The following SLX4IP variants were observed in gnomAD, a reference collection of about 807,000 sequenced individuals.
SLX4IP encodes SLX4 interacting protein.
Under a neutral mutation model 32.9 loss-of-function variants are expected in SLX4IP, and 34 were observed. The observed-to-expected ratio is 1.03, with a 90% confidence interval of 0.79 to 1.38. The LOEUF (loss-of-function observed/expected upper bound fraction) is 1.38. Ranked by LOEUF, SLX4IP falls within the 40% of genes most tolerant of loss-of-function variation. SLX4IP has a pLI of 0.00. For missense variants in SLX4IP, 444 were observed against 479.0 expected (o/e 0.93, Z 0.68); for synonymous variants, 172 against 171.7 (o/e 1.00, Z -0.01).
chr20:10,616,345 C>T (rs1438095865), intron 6 of SLX4IP, among the ~76,000 whole-genome samples: 7 of 149,564 alleles, frequency 4.7e-5, no homozygotes, highest in African/African-American at 1.2e-4. Flanking sequence ...CCCTCTACAA[C>T]GCCCAAGGTA....
chr20:10,520,292 C>T lies in SLX4IP; in HGVS notation c.28-35939C>T, dbSNP rs532966560. Among the ~76,000 whole-genome samples the T allele has an allele frequency of 5.9e-5, 9 of 152,228 alleles. No homozygotes were observed. In the South Asian group the frequency reaches 6.2e-4, roughly 11 times the overall value. ...GTCTTGATCTCCTGACCTCGTGATC[C>T]GCCCGCCTCAGCCTCCCAAAGTACT... On this transcript the variant is annotated intron_variant, in intron 2 of 7. Coordinates refer to ENST00000334534, the MANE Select transcript of SLX4IP (RefSeq NM_001009608.3).
intron 6 of SLX4IP, chr20:10,613,852 A>G: frequency 1.2e-6 from 2 of 1,601,112 alleles, no homozygotes; most frequent in South Asian, 1.1e-5. Context: ...TCTTCTTCCA[A>G]ACCTTTGTAT....
intron 6 of SLX4IP, among the ~76,000 whole-genome samples, chr20:10,602,659 G>A (rs749451140): frequency 1.3e-5 from 2 of 152,080 alleles, no homozygotes; most frequent in East Asian, 1.9e-4. Flanking sequence ...CATTAACCGG[G>A]CCATGAAGTG....
rs149017486 is a variant in SLX4IP, at chr20:10,492,644, A to C, written c.27+34413A>C. Among the ~76,000 whole-genome samples the C allele has an allele frequency of 6.2e-4, 94 of 152,166 alleles. 1 individual carries two copies. The East Asian group carries it at 0.017, about 28-fold the overall frequency. On this transcript the variant is annotated intron_variant, in intron 2 of 7. Transcript: ENST00000334534. ...GTGTCTTTGTTGAAAAGAAGTTTTAAATTCTAATATGGACTGATATATCAG... is the reference window on the plus strand; with the variant it reads ...GTGTCTTTGTTGAAAAGAAGTTTTACATTCTAATATGGACTGATATATCAG...
intron 6 of SLX4IP, among the ~76,000 whole-genome samples, chr20:10,620,564 T>A (rs1157756349): frequency 6.6e-6 from 1 of 152,176 alleles, no homozygotes; most frequent in African/African-American, 2.4e-5. Flanking sequence ...AATATTCTTT[T>A]TTTTTTTGAG....
In SLX4IP at chr20:10,627,237, T is replaced by C. The variant is rs899170926; in HGVS notation, c.*3858T>C. On this transcript the variant is annotated 3_prime_UTR_variant, in exon 8 of 8. Coordinates refer to ENST00000334534, the MANE Select transcript of SLX4IP (RefSeq NM_001009608.3). The stretch of plus-strand genomic sequence containing the variant: ...TATGGAAATCATTTTAATTTCTTCT[T>C]TTCTCTTATGGGGAAATTTCCATGC... The C allele has an allele frequency of 1.1e-4, 17 of 152,370 alleles. No homozygotes were observed. The highest frequency in any genetic ancestry group is 4.1e-4 in the African/African-American group (17 of 41,584). The allele number at this position is 152,370 out of a possible 1,614,324, so 9.4% of individuals were successfully genotyped here.
At chr20:10,600,744 A>G (rs1017726187) in intron 5 of SLX4IP, among the ~76,000 whole-genome samples, 2 of 152,208 alleles carry the variant, frequency 1.3e-5, no homozygotes, top group South Asian at 4.1e-4. Flanking sequence ...TCCATCTTTA[A>G]AAAGAAATTG....
intron 2 of SLX4IP, among the ~76,000 whole-genome samples, chr20:10,519,478 G>A (rs2065885546): frequency 6.6e-6 from 1 of 152,194 alleles, no homozygotes; most frequent in Admixed American, 6.5e-5. Flanking sequence ...AACACGTGGT[G>A]TTTTGTGACT....
In SLX4IP at chr20:10,560,779, C is replaced by T; in HGVS notation, c.197C>T (p.Ser66Leu). 1 of 1,607,950 alleles carries T rather than the reference C, an allele frequency of 6.2e-7. No individual in the cohort carries two copies. The change falls in exon 4 of 8, where the codon TCA becomes TTA. Residue 66 changes from serine to leucine, a missense_variant. Physicochemically the swap from Ser to Leu is moderately radical, Grantham distance 145 (BLOSUM62 -2). Coordinates refer to ENST00000334534, the MANE Select transcript of SLX4IP (RefSeq NM_001009608.3). ...YLEVRKQHRP[S>L]NAEFTRSNPL... ...GAAGTTCGCAAACAGCACAGGCCAT[C>T]AAATGCAGAATTCACAAGATCCAAT...
intron 6 of SLX4IP, among the ~76,000 whole-genome samples, chr20:10,608,835 G>A (rs6040042): frequency 6.6e-6 from 1 of 151,996 alleles, no homozygotes; most frequent in Non-Finnish European, 1.5e-5. Flanking sequence ...CTGCTTGAAA[G>A]GAGAAAAATA....
intron 2 of SLX4IP, among the ~76,000 whole-genome samples, chr20:10,523,715 T>C (rs1358481238): frequency 6.6e-6 from 1 of 152,264 alleles, no homozygotes; most frequent in Non-Finnish European, 1.5e-5. Context: ...CAGGAGATGA[T>C]ACGTCAGAAC....
chr20:10,462,091 T>G (rs1287391273), intron 2 of SLX4IP, among the ~76,000 whole-genome samples: 3 of 152,012 alleles, frequency 2.0e-5, no homozygotes, highest in African/African-American at 2.4e-5. Context: ...AAAAACATAA[T>G]ATAAATGAAA....
In SLX4IP at chr20:10,490,251, GTATT is replaced by G. The variant is rs1346099556; in HGVS notation, c.27+32024_27+32027del. Among the ~76,000 whole-genome samples, 22 of 151,766 alleles carry G rather than the reference GTATT, an allele frequency of 1.4e-4. No homozygotes were observed. The East Asian group carries it at 4.3e-3, about 29-fold the overall frequency. ...AGTCCATGTATAAAATTCTTTATGA[GTATT>G]TATAATATCATTTTGTTTATGAATA... On this transcript the variant is annotated intron_variant, in intron 2 of 7. Coordinates refer to ENST00000334534, the MANE Select transcript of SLX4IP (RefSeq NM_001009608.3).
intron 4 of SLX4IP, among the ~76,000 whole-genome samples, chr20:10,563,664 T>C (rs1308606115): frequency 6.6e-6 from 1 of 152,192 alleles, no homozygotes; most frequent in Non-Finnish European, 1.5e-5. Context: ...AAAGAAAGTG[T>C]CCTTTCCCCT....
chr20:10,534,114 C>A (rs972714075), intron 2 of SLX4IP, among the ~76,000 whole-genome samples: 1 of 152,042 alleles, frequency 6.6e-6, no homozygotes, highest in South Asian at 2.1e-4. Context: ...CTGCCAGAGC[C>A]CCCTTGAACC....
rs2067141181 is a variant in SLX4IP at position 10,623,500 on chromosome 20, A to C, written c.*121A>C. On this transcript the variant is annotated 3_prime_UTR_variant, in exon 8 of 8. Transcript: ENST00000334534. ...AATTAGAATGACTAATTTAAATAGG[A>C]AGTGTGTTATCTGTGTTATGGCTAT... 7.2e-7 allele frequency: 1 copy of C among 1,381,828 alleles called. No individual in the cohort carries two copies. The highest frequency in any genetic ancestry group is 1.5e-5 in the African/African-American group (1 of 68,010). The allele number at this position is 1,381,828 out of a possible 1,614,324, so 85.6% of individuals were successfully genotyped here.
In SLX4IP at chr20:10,504,834, C is replaced by T. The variant is rs926825886; in HGVS notation, c.27+46603C>T. On this transcript the variant is annotated intron_variant, in intron 2 of 7. Transcript: ENST00000334534. ...CCGGAACTGTGGCGGCTCCATACCC[C>T]CAAAGTGAATTTTAAACTTGACTTA... is the stretch of plus-strand genomic sequence containing the variant. Among the ~76,000 whole-genome samples the T allele has an allele frequency of 5.3e-5, 8 of 152,192 alleles. No homozygotes were observed. The South Asian group carries it at 1.7e-3, about 32-fold the overall frequency.
At chr20:10,444,233 A>G (rs1245423433) in intron 1 of SLX4IP, among the ~76,000 whole-genome samples, 1 of 68,334 alleles carries the variant, frequency 1.5e-5, no homozygotes, top group Admixed American at 1.6e-4. Context: ...TGGCATCACC[A>G]TGTGTTTTAG....
chr20:10,604,958 T>G (rs1041078094), intron 6 of SLX4IP, among the ~76,000 whole-genome samples: 2 of 152,150 alleles, frequency 1.3e-5, no homozygotes, highest in African/African-American at 4.8e-5. Flanking sequence ...TTCCTCACCG[T>G]TTTTTTCCTT....
Sources: allele counts gnomAD v4.1 joint callset (sites outside exome capture counted in the v4.1 genomes callset), GRCh38; gene constraint gnomAD v4.1.1; transcripts MANE v1.5; gene names NCBI Gene and HGNC (gene_info 2026-07-23, HGNC 2026-07-21).